KIF26B: variants seen among roughly 807,000 people sequenced by gnomAD.
The protein encoded by KIF26B is kinesin family member 26B.
KIF26B carries 63 observed loss-of-function variants against 151.2 expected under a neutral mutation model. That is an observed-to-expected ratio of 0.42 (90% CI 0.34 to 0.51). KIF26B has a LOEUF of 0.51. Among genes scored for constraint, KIF26B ranks in the 20% least tolerant of loss-of-function variants. The probability of loss-of-function intolerance (pLI) is 0.07; values close to 1 mark genes in which losing one functional copy is unlikely to be tolerated. For missense variants in KIF26B, 2,813 were observed against 2,913.6 expected, an observed-to-expected ratio of 0.97 and a Z score of 0.79; for synonymous variants, 1,357 against 1,262.1, an observed-to-expected ratio of 1.08 and a Z score of -1.59.
intron 4 of KIF26B, among the ~76,000 whole-genome samples, chr1:245,510,150 A>G (rs1432505857): frequency 6.6e-6 from 1 of 152,210 alleles, no homozygotes; most frequent in Non-Finnish European, 1.5e-5. Context: ...ACAGGAACCC[A>G]GACCAAACTG....
At chr1:245,697,928 C>CT (rs1221568870) in intron 12 of KIF26B, among the ~76,000 whole-genome samples, 178 bp from the exon 13 acceptor site, 5 of 150,114 alleles carry the variant, frequency 3.3e-5, no homozygotes, top group Non-Finnish European at 7.5e-5. Context: ...GTTATCCCAA[C>CT]TACTTAGGAG....
At chr1:245,176,787 A>T (rs1339217061) in intron 2 of KIF26B, among the ~76,000 whole-genome samples, 1 of 152,042 alleles carries the variant, frequency 6.6e-6, no homozygotes, top group East Asian at 1.9e-4. Context: ...GCGACTTTTA[A>T]CGGTCATGTT....
At chr1:245,379,999 C>A (rs1166835718) in intron 3 of KIF26B, among the ~76,000 whole-genome samples, 1 of 151,418 alleles carries the variant, frequency 6.6e-6, no homozygotes, top group Non-Finnish European at 1.5e-5. Context: ...TCCTCACCTA[C>A]CCCACCCCAG....
chr1:245,539,329 G>A (rs1435205609), intron 4 of KIF26B, among the ~76,000 whole-genome samples: 2 of 152,194 alleles, frequency 1.3e-5, no homozygotes, highest in East Asian at 1.9e-4. Context: ...GAAGGAGACC[G>A]GGGTCGGGGA....
chr1:245,167,222 ATAAAT>A lies in KIF26B; in HGVS notation c.465+10544_465+10548del, dbSNP rs1461213592. On this transcript the variant is annotated intron_variant, in intron 2 of 14. Transcript: ENST00000407071. This position sits in a 1 kb window ranked among gnomAD's most constrained non-coding sequence, Gnocchi z 4.2. ...TGCTTGAAAGCATGAGCTGCAAATA[ATAAAT>A]TAAAATCCGCTTTTCTATCACAGGG... Among the ~76,000 whole-genome samples the A allele has an allele frequency of 4.6e-5, 7 of 152,182 alleles. No individual in the cohort carries two copies. Among genetic ancestry groups the A allele is most frequent in the Non-Finnish European group, 5.9e-5 (4 of 68,046 alleles).
intron 9 of KIF26B, among the ~76,000 whole-genome samples, chr1:245,623,047 T>TG (rs2043682603): frequency 6.9e-6 from 1 of 144,428 alleles, no homozygotes; most frequent in Non-Finnish European, 1.5e-5. Flanking sequence ...TTTTTTTTTT[T>TG]TTTTTGTTGT....
rs368520544 is a variant in KIF26B, at chr1:245,561,849, G to A, written c.1350+20899G>A. Among the ~76,000 whole-genome samples, 182 of 152,258 alleles carry A rather than the reference G, an allele frequency of 1.2e-3. 2 individuals carry two copies. In the South Asian group the frequency reaches 0.03, roughly 25 times the overall value. ...TGTAGGGTGCCTTTGGTTTACTAGAGGTTTCATCAGTCCACCTGATTCTCA... is the reference window on the plus strand; with the variant it reads ...TGTAGGGTGCCTTTGGTTTACTAGAAGTTTCATCAGTCCACCTGATTCTCA... On this transcript the variant is annotated intron_variant, in intron 5 of 14. Transcript: ENST00000407071.
chr1:245,573,608 T>C (rs1341645719), intron 5 of KIF26B, among the ~76,000 whole-genome samples: 3 of 152,196 alleles, frequency 2.0e-5, no homozygotes, highest in South Asian at 2.1e-4. Context: ...TTATTGCTTA[T>C]TTTTTAACTT....
Position 245,639,219 on chromosome 1 carries a change from G to A in KIF26B, c.2099-6902G>A, listed in dbSNP as rs572832249. Among the ~76,000 whole-genome samples the A allele has an allele frequency of 2.6e-5, 4 of 151,768 alleles. No homozygotes were observed. In the South Asian group the frequency reaches 8.3e-4, roughly 32 times the overall value. ...GTTTTGGTAGGTTATATGTTTCCAG[G>A]AATTTTTCCATTTTTTCCTAGATTT... On this transcript the variant is annotated intron_variant, in intron 9 of 14. Transcript: ENST00000407071.
At chr1:245,424,219 G>C in intron 4 of KIF26B, among the ~76,000 whole-genome samples, 1 of 151,960 alleles carries the variant, frequency 6.6e-6, no homozygotes, top group Admixed American at 6.6e-5. Flanking sequence ...GCAGTGGCGC[G>C]ATCTCCGCTC....
At chr1:245,614,737 T>C (rs138947907) in intron 9 of KIF26B, 1 of 152,344 alleles carries the variant, frequency 6.6e-6, no homozygotes, top group African/African-American at 2.4e-5. Flanking sequence ...GAGCAAAGTC[T>C]CACTGGAGAG....
At chr1:245,181,090 G>T (rs1222438898) in intron 2 of KIF26B, among the ~76,000 whole-genome samples, 2 of 152,146 alleles carry the variant, frequency 1.3e-5, no homozygotes, top group African/African-American at 4.8e-5. Context: ...AGCTCTCAGC[G>T]ACCTTTCTGC....
intron 10 of KIF26B, 77 bp downstream of exon 10, chr1:245,646,357 G>C (rs1455939338): frequency 2.0e-6 from 3 of 1,478,504 alleles, no homozygotes; most frequent in Non-Finnish European, 2.8e-6. Flanking sequence ...CATCTGTGGA[G>C]AGGTGTGCCA....
intron 4 of KIF26B, among the ~76,000 whole-genome samples, chr1:245,511,584 TTTTG>T (rs202131944): frequency 8.5e-5 from 13 of 152,056 alleles, no homozygotes; most frequent in South Asian, 2.1e-4. Flanking sequence ...ATGTGAGGGT[TTTTG>T]TTTGTTTGTT....
In KIF26B at chr1:245,375,096, T is replaced by C. The variant is rs1673241999; in HGVS notation, c.999+7729T>C. On this transcript the variant is annotated intron_variant, in intron 3 of 14. Coordinates refer to ENST00000407071, the MANE Select transcript of KIF26B (RefSeq NM_018012.4). The surrounding 1 kb of genome is among the most constrained non-coding windows in gnomAD (Gnocchi z 4.2). ...GGGATCATTTAATTTAATTTTATTA[T>C]TATTTTTTGAGACGGCGTCTCACTC... 6.6e-6 allele frequency among the ~76,000 whole-genome samples: 1 copy of C among 152,200 alleles called. No homozygotes were observed. The highest frequency in any genetic ancestry group is 6.5e-5 in the Admixed American group (1 of 15,268).
chr1:245,195,792 C>T (rs1669181792), intron 2 of KIF26B, among the ~76,000 whole-genome samples: 1 of 152,236 alleles, frequency 6.6e-6, no homozygotes, highest in South Asian at 2.1e-4. Flanking sequence ...TAAATAGCTA[C>T]AGCACACAGT....
At chr1:245,513,783 C>T (rs760527356) in intron 4 of KIF26B, among the ~76,000 whole-genome samples, 18 of 152,208 alleles carry the variant, frequency 1.2e-4, no homozygotes, top group Non-Finnish European at 2.5e-4. Context: ...GCCTTGCTCA[C>T]GTTTCTTACT....
At chr1:245,210,195 C>T (rs963082837) in intron 2 of KIF26B, among the ~76,000 whole-genome samples, 4 of 152,210 alleles carry the variant, frequency 2.6e-5, no homozygotes, top group Admixed American at 6.5e-5. Flanking sequence ...CCCAAGGCCC[C>T]GCAGCTGCAG....
At chr1:245,465,916 TGAA>T (rs1273077652) in intron 4 of KIF26B, among the ~76,000 whole-genome samples, 1 of 152,212 alleles carries the variant, frequency 6.6e-6, no homozygotes. Context: ...GAGCCCATCC[TGAA>T]GCCAGAAGGA....
Sources: gnomAD v4.1 joint callset for allele counts (sites outside exome capture counted in the v4.1 genomes callset) on GRCh38, gnomAD v4.1.1 for gene constraint, Gnocchi (gnomAD v3.1) non-coding constraint, MANE v1.5 for transcripts, NCBI Gene and HGNC (gene_info 2026-07-23, HGNC 2026-07-21) for gene names.